The following CDHR1 variants were observed in gnomAD, a reference collection of about 807,000 sequenced individuals.
CDHR1 encodes the protein cadherin-related family member 1.
Under a neutral mutation model 72.1 loss-of-function variants are expected in CDHR1, and 61 were observed. The observed-to-expected ratio is 0.85, with a 90% CI of 0.69 to 1.05. The LOEUF (loss-of-function observed/expected upper bound fraction) is 1.05, where lower values mean the gene tolerates loss of function less well. CDHR1 is among the 50% of genes least tolerant of loss of function. The pLI, the probability that CDHR1 is intolerant of heterozygous loss-of-function variation, is 0.00. For synonymous variants in CDHR1, 470 were observed against 448.1 expected, an observed-to-expected ratio of 1.05 and a Z score of -0.62; for missense variants, 1,186 against 1,115.7, an observed-to-expected ratio of 1.06 and a Z score of -0.90.
rs377416569 is a variant in CDHR1, at chr10:84,212,176, C to A, written c.1554-3C>A. The A allele has an allele frequency of 1.4e-4, 220 of 1,613,360 alleles. No homozygotes were observed. The highest frequency in any genetic ancestry group is 1.7e-4 in the Non-Finnish European group (199 of 1,179,458). ...ACCCATGCCTATGTGCTCTGCCTGG[C>A]AGCTTCCTGATCCACCCATCCACTG... On this transcript the variant is annotated splice_polypyrimidine_tract_variant and splice_region_variant and intron_variant, in intron 14 of 16. Transcript: ENST00000623527.
intron 13 of CDHR1, among the ~76,000 whole-genome samples, 182 bp downstream of exon 13, chr10:84,211,347 C>G (rs781608221): frequency 7.2e-5 from 11 of 152,244 alleles, no homozygotes; most frequent in Non-Finnish European, 1.6e-4. Flanking sequence ...CAACACCTCA[C>G]AGGACAGTAA....
intron 3 of CDHR1, 98 bp downstream of exon 3, chr10:84,196,748 C>A: frequency 1.4e-6 from 2 of 1,405,264 alleles, no homozygotes; most frequent in South Asian, 1.2e-5. Flanking sequence ...AACCTCTCCA[C>A]AGAGTAGGGG....
In CDHR1 at chr10:84,209,071, C is replaced by T. The variant is rs1842283003; in HGVS notation, c.1320+190C>T. ...GCCTCACTGAGCTTCCTGGCTTCCACACCACAACCAGCCCCAGGAATGCAG... is the reference window on the plus strand; with the variant it reads ...GCCTCACTGAGCTTCCTGGCTTCCATACCACAACCAGCCCCAGGAATGCAG... On this transcript the variant is annotated intron_variant, in intron 12 of 16. Transcript: ENST00000623527. Among the ~76,000 whole-genome samples the T allele has an allele frequency of 2.0e-5, 3 of 152,344 alleles. No individual in the cohort carries two copies. The Middle Eastern group carries it at 0.01, about 518-fold the overall frequency.
chr10:84,208,103 G>T, intron 10 of CDHR1, 71 bp from the exon 11 acceptor site: 1 of 1,339,872 alleles, frequency 7.5e-7, no homozygotes, highest in South Asian at 1.2e-5. Context: ...ACATTCTGCA[G>T]GGGAGGTAGG....
rs545869466 is a variant in CDHR1 at position 84,213,380 on chromosome 10, G to A, written c.2040+32G>A. ...ACAAAGCCATGGTCAGGAAAAAGGG[G>A]TCAGCAGGCCAGCTCAGACCTCTCT... is the stretch of plus-strand genomic sequence containing the variant. On this transcript the variant is annotated intron_variant, in intron 16 of 16. Transcript: ENST00000623527. 2.5e-6 allele frequency: 4 copies of A among 1,613,900 alleles called. No homozygotes were observed. The South Asian group carries it at 4.4e-5, about 18-fold the overall frequency.
intron 2 of CDHR1, 149 bp from the exon 3 acceptor site, chr10:84,196,356 A>G: frequency 2.4e-6 from 2 of 836,394 alleles, no homozygotes; most frequent in South Asian, 2.9e-5. Flanking sequence ...GGGTGAGGCC[A>G]GCAATGAGCA....
rs1261360518 is a variant in CDHR1, at chr10:84,196,632, TGA to T, written c.280_281del (p.Glu94ArgfsTer9). On this transcript the variant is annotated frameshift_variant, in exon 3 of 17. Transcript: ENST00000623527. LOFTEE classifies it high-confidence loss of function. Reference protein sequence around the residue: ...DPTFGNITLVEELDREREDEI... With the variant: ...DPTFGNITLVXELDREREDEI... ...CCACTTTTGGAAACATCACCCTGGT[TGA>T]AGAGCTGGACAGAGAGGTATGGGGA... 1 of 1,614,186 alleles carries T rather than the reference TGA, an allele frequency of 6.2e-7. No homozygotes were observed.
At chr10:84,208,670 A>G in intron 11 of CDHR1, 59 bp from the exon 12 acceptor site, 1 of 1,534,840 alleles carries the variant, frequency 6.5e-7, no homozygotes, top group Non-Finnish European at 9.0e-7. Context: ...TCTATATAGT[A>G]TGATTATGAA....
Position 84,211,686 on chromosome 10 carries a change from A to G in CDHR1, c.1524A>G (p.Lys508=). The change falls in exon 14 of 17, where the codon AAA becomes AAG. Residue 508 remains lysine, a synonymous_variant. Coordinates refer to ENST00000623527, the MANE Select transcript of CDHR1 (RefSeq NM_033100.4). ...DPDTGPWGEV[K]YSTYGTGADL... is the part of the protein sequence containing the mutation. ...ATACAGGACCCTGGGGCGAAGTGAA[A>G]TATTCCACCTATGGGACTGGGGCAG... is the stretch of plus-strand genomic sequence containing the variant. 6.2e-7 allele frequency: 1 copy of G among 1,614,148 alleles called. No individual in the cohort carries two copies. The highest frequency in any genetic ancestry group is 8.5e-7 in the Non-Finnish European group (1 of 1,180,020).
In CDHR1 at chr10:84,213,321, A is replaced by T. The variant is rs1338367175; in HGVS notation, c.2013A>T (p.Leu671Phe). The T allele has an allele frequency of 6.2e-7, 1 of 1,614,208 alleles. No homozygotes were observed. The highest frequency in any genetic ancestry group is 1.7e-5 in the Admixed American group (1 of 60,026). The change falls in exon 16 of 17, where the codon TTA (leucine) becomes TTT (phenylalanine). Residue 671 changes from leucine to phenylalanine, a missense_variant. Physicochemically the swap from Leu to Phe is conservative, Grantham distance 22. Coordinates refer to ENST00000623527, the MANE Select transcript of CDHR1 (RefSeq NM_033100.4). ...CCCCATCCTTCAGCACCACAGCCTT[A>T]CTCAAGATTGACATCACAGATGCTG... ...RGSPSFSTTA[L>F]LKIDITDAET...
In CDHR1 at chr10:84,214,354, G is replaced by C; in HGVS notation, c.2313G>C (p.Glu771Asp). ...CCGCTACCAAGTTCATGCTCAAAGA[G>C]AAACCTCCCAATGAGAACTGTAACA... ...TKAATKFMLKEKPPNENCNNN... is the reference protein window; with the variant it reads ...TKAATKFMLKDKPPNENCNNN... The change falls in exon 17 of 17, where the codon GAG (glutamate) becomes GAC (aspartate). Residue 771 changes from glutamate to aspartate, a missense_variant. Coordinates refer to ENST00000623527, the MANE Select transcript of CDHR1 (RefSeq NM_033100.4). The C allele has an allele frequency of 6.2e-7, 1 of 1,614,186 alleles. No individual in the cohort carries two copies. The highest frequency in any genetic ancestry group is 8.5e-7 in the Non-Finnish European group (1 of 1,180,046).
At chr10:84,219,366 C>A (rs1181308253), downstream of CDHR1, 2 of 1,507,264 alleles carry the variant, frequency 1.3e-6, no homozygotes, top group East Asian at 4.9e-5. Context: ...ACTTCCCTAC[C>A]CACCAACATG....
At chr10:84,212,487 T>C (rs1009703294) in intron 15 of CDHR1, 80 bp downstream of exon 15, 6 of 1,292,702 alleles carry the variant, frequency 4.6e-6, no homozygotes, top group Non-Finnish European at 6.7e-6. Context: ...AAGAATTTCA[T>C]TGAAGATAAA....
intron 2 of CDHR1, among the ~76,000 whole-genome samples, 157 bp downstream of exon 2, chr10:84,195,746 T>G (rs1447455148): frequency 6.6e-6 from 1 of 152,152 alleles, no homozygotes; most frequent in African/African-American, 2.4e-5. Context: ...GGAAAGAAGG[T>G]CATTGCTGCC....
At position 84,196,569 on chromosome 10, in the gene CDHR1, C is replaced by A; in HGVS notation, c.216C>A (p.Ser72Arg). Residue 72 changes from serine to arginine, a missense_variant, in exon 3 of 17, where the codon AGC becomes AGA. Transcript: ENST00000623527. ...PEGDPISYHI[S>R]FDPSTRSVFS... ...GAGACCCCATCTCCTACCACATCAG[C>A]TTTGACCCCAGCACTAGAAGCGTCT... The A allele has an allele frequency of 6.2e-7, 1 of 1,614,244 alleles. No homozygotes were observed. Among genetic ancestry groups the A allele is most frequent in the Non-Finnish European group, 8.5e-7 (1 of 1,180,042 alleles).
rs955403570 is a variant in CDHR1, at chr10:84,196,703, G to A, written c.297+53G>A. The A allele has an allele frequency of 9.3e-6, 15 of 1,608,084 alleles. No homozygotes were observed. In the Middle Eastern group the frequency reaches 6.6e-4, roughly 71 times the overall value. ...GGGCCACTGCCTGTAGACAGACCTCGGTGGGCTGAAGTTCCCCTGGAGCAC... is the reference window on the plus strand; with the variant it reads ...GGGCCACTGCCTGTAGACAGACCTCAGTGGGCTGAAGTTCCCCTGGAGCAC... On this transcript the variant is annotated intron_variant, in intron 3 of 16. Transcript: ENST00000623527.
chr10:84,195,553 A>C lies in CDHR1; in HGVS notation c.115A>C (p.Met39Leu), dbSNP rs866337270. 6.2e-7 allele frequency: 1 copy of C among 1,614,008 alleles called. No homozygotes were observed. Among genetic ancestry groups the C allele is most frequent in the African/African-American group, 1.3e-5 (1 of 74,914 alleles). The change falls in exon 2 of 17, where the codon ATG becomes CTG. Residue 39 changes from methionine to leucine, a missense_variant. Transcript: ENST00000623527. ...CGGGGTCGGCAGCACCAACGGAAAC[A>C]TGGCTCTGTTCAGCCTCCCAGAGGA... ...DNGVGSTNGN[M>L]ALFSLPEDTP...
In CDHR1 at chr10:84,215,948, C is replaced by G; in HGVS notation, c.*1327C>G. 3.0e-6 allele frequency: 3 copies of G among 985,404 alleles called. No individual in the cohort carries two copies. Among genetic ancestry groups the G allele is most frequent in the Non-Finnish European group, 3.6e-6 (3 of 829,930 alleles). 61.0% of individuals were successfully genotyped at this position (985,404 alleles called of 1,614,324 possible). A position where few individuals can be genotyped will look rare whatever the true frequency, so the allele number is the denominator to read the frequency against. On this transcript the variant is annotated 3_prime_UTR_variant, in exon 17 of 17. Transcript: ENST00000623527. ...TGCCAAGATGAAGAAAATGAGTTCT[C>G]AAGGAGGGAATGCTTTGCTTGAGGC...
chr10:84,210,957 A>T, intron 12 of CDHR1, 44 bp from the exon 13 acceptor site: 5 of 1,602,012 alleles, frequency 3.1e-6, no homozygotes, highest in Non-Finnish European at 4.3e-6. Flanking sequence ...TCTCTGCAGC[A>T]TGAGTGCCTA....
Sources: gnomAD v4.1 joint callset for allele counts (sites outside exome capture counted in the v4.1 genomes callset) on GRCh38, gnomAD v4.1.1 for gene constraint, MANE v1.5 for transcripts, NCBI Gene and HGNC (gene_info 2026-07-23, HGNC 2026-07-21) for gene names.